The following DNAJC5 variants were observed in gnomAD, a reference collection of about 807,000 sequenced individuals.
DNAJC5 encodes dnaJ homolog subfamily C member 5.
In DNAJC5, 1 loss-of-function variant was observed where a neutral mutation model predicts 23.2. That is an observed-to-expected ratio of 0.04 (90% CI 0.02 to 0.20). DNAJC5 has a LOEUF of 0.20. Ranked by LOEUF, DNAJC5 falls within the 10% of genes least tolerant of loss-of-function variation. The probability of loss-of-function intolerance (pLI) is 1.00; values close to 1 mark genes in which losing one functional copy is unlikely to be tolerated. For synonymous variants in DNAJC5, 136 were observed against 120.0 expected, an observed-to-expected ratio of 1.13 and a Z score of -0.87; for missense variants, 180 against 267.0, an observed-to-expected ratio of 0.67 and a Z score of 2.27.
At chr20:63,923,167 A>G (rs1396914457) in intron 1 of DNAJC5, among the ~76,000 whole-genome samples, 1 of 149,202 alleles carries the variant, frequency 6.7e-6, no homozygotes, top group Non-Finnish European at 1.5e-5. Context: ...AGAATAAGTC[A>G]CATTTTGGTG....
At chr20:63,913,394 CTTTCT>C (rs1225483270) in intron 1 of DNAJC5, among the ~76,000 whole-genome samples, 18 of 150,836 alleles carry the variant, frequency 1.2e-4, no homozygotes, top group Non-Finnish European at 2.7e-4. Context: ...TGTTTTTTTT[CTTTCT>C]TTTTTTTTTT....
rs535581243 is a variant in DNAJC5 at position 63,920,586 on chromosome 20, C to T, written c.-11-7749C>T. Among the ~76,000 whole-genome samples, 67 of 152,354 alleles carry T rather than the reference C, an allele frequency of 4.4e-4. No individual in the cohort carries two copies. The highest frequency in any genetic ancestry group is 1.3e-3 in the African/African-American group (56 of 41,580). ...GGTCTTGTCTGCCTAGGCATGTGTG[C>T]GGGCCCTGGGGCTGCTGCCAGCAGA... On this transcript the variant is annotated intron_variant, in intron 1 of 4. Coordinates refer to ENST00000360864, the MANE Select transcript of DNAJC5 (RefSeq NM_025219.3). This position sits in a 1 kb window ranked among gnomAD's most constrained non-coding sequence, Gnocchi z 4.6.
intron 1 of DNAJC5, among the ~76,000 whole-genome samples, chr20:63,898,326 G>T (rs1247924612): frequency 6.6e-6 from 1 of 152,190 alleles, no homozygotes; most frequent in African/African-American, 2.4e-5. Context: ...CTGAAATCAG[G>T]CAGTAAGGTG....
Position 63,929,286 on chromosome 20 carries a change from A to T in DNAJC5, c.108-26A>T. 1 of 1,605,532 alleles carries T rather than the reference A, an allele frequency of 6.2e-7. No homozygotes were observed. The highest frequency in any genetic ancestry group is 8.5e-7 in the Non-Finnish European group (1 of 1,176,214). ...GCGGGTGGAACAAAGTCCAGGGTAGAGCCAGGACATGGTTTTGGTTTGCAG... is the reference window on the plus strand; with the variant it reads ...GCGGGTGGAACAAAGTCCAGGGTAGTGCCAGGACATGGTTTTGGTTTGCAG... On this transcript the variant is annotated intron_variant, in intron 2 of 4. Transcript: ENST00000360864. This position sits in a 1 kb window ranked among gnomAD's most constrained non-coding sequence, Gnocchi z 8.6.
At chr20:63,927,794 A>G (rs2053628882) in intron 1 of DNAJC5, among the ~76,000 whole-genome samples, 1 of 152,214 alleles carries the variant, frequency 6.6e-6, no homozygotes, top group South Asian at 2.1e-4. Flanking sequence ...GTTTGGATTT[A>G]GATCTTCCAA....
At chr20:63,907,884 G>T (rs1037463302) in intron 1 of DNAJC5, among the ~76,000 whole-genome samples, 2 of 152,168 alleles carry the variant, frequency 1.3e-5, no homozygotes, top group South Asian at 2.1e-4. Context: ...TCCTGTCTCA[G>T]CTTCCCCAGT....
intron 1 of DNAJC5, among the ~76,000 whole-genome samples, chr20:63,895,541 AGCCGGGCCGG>A (rs966819894): frequency 7.0e-6 from 1 of 143,040 alleles, no homozygotes; most frequent in Non-Finnish European, 1.5e-5. Context: ...GGCCTGCGGG[AGCCGGGCCGG>A]GCCGGGCCGG....
Position 63,931,171 on chromosome 20 carries a change from G to C in DNAJC5, c.493+149G>C. On this transcript the variant is annotated intron_variant, in intron 4 of 4. Coordinates refer to ENST00000360864, the MANE Select transcript of DNAJC5 (RefSeq NM_025219.3). The surrounding 1 kb of genome is among the most constrained non-coding windows in gnomAD (Gnocchi z 9.6). ...CAGCTGGGACTGTTGAGGTGTGAAC[G>C]TGGACCCTGAGGTAAAGCAGGCGCA... 1.1e-6 allele frequency: 1 copy of C among 922,370 alleles called. No individual in the cohort carries two copies. Among genetic ancestry groups the C allele is most frequent in the Non-Finnish European group, 1.7e-6 (1 of 586,502 alleles). 57.1% of individuals were successfully genotyped at this position (922,370 alleles called of 1,614,324 possible).
chr20:63,917,504 T>C (rs1363492802), intron 1 of DNAJC5, among the ~76,000 whole-genome samples: 1 of 152,180 alleles, frequency 6.6e-6, no homozygotes, highest in Non-Finnish European at 1.5e-5. Context: ...ATGCCCACCT[T>C]GGCCTCTCAA....
intron 1 of DNAJC5, among the ~76,000 whole-genome samples, chr20:63,913,228 G>T (rs890284781): frequency 6.6e-6 from 1 of 151,974 alleles, no homozygotes; most frequent in Admixed American, 6.6e-5. Context: ...GTTCCTCCGT[G>T]TTTCCTTTGT....
intron 1 of DNAJC5, among the ~76,000 whole-genome samples, chr20:63,906,890 G>C (rs900291429): frequency 6.6e-6 from 1 of 152,106 alleles, no homozygotes; most frequent in African/African-American, 2.4e-5. Context: ...GATCACTTGA[G>C]CTCAGGAGTT....
intron 1 of DNAJC5, among the ~76,000 whole-genome samples, chr20:63,898,911 C>T (rs1319148271): frequency 6.6e-6 from 1 of 152,180 alleles, no homozygotes; most frequent in Non-Finnish European, 1.5e-5. Flanking sequence ...TTAGAACGTT[C>T]TCGTGCCACA....
At chr20:63,900,339 A>G (rs1217866292) in intron 1 of DNAJC5, among the ~76,000 whole-genome samples, 2 of 151,946 alleles carry the variant, frequency 1.3e-5, no homozygotes, top group Non-Finnish European at 2.9e-5. Flanking sequence ...GCACTTTGAG[A>G]GGCCGAGGCA....
chr20:63,928,166 C>G lies in DNAJC5; in HGVS notation c.-11-169C>G, dbSNP rs913698403. Among the ~76,000 whole-genome samples, 1 of 152,132 alleles carries G rather than the reference C, an allele frequency of 6.6e-6. No homozygotes were observed. The highest frequency in any genetic ancestry group is 2.4e-5 in the African/African-American group (1 of 41,428). ...ATCTCTTGGGGTGGCCGTATTCTGCCGTCTCACACTTCTCCATGCCATGGC... is the reference window on the plus strand; with the variant it reads ...ATCTCTTGGGGTGGCCGTATTCTGCGGTCTCACACTTCTCCATGCCATGGC... On this transcript the variant is annotated intron_variant, in intron 1 of 4. Coordinates refer to ENST00000360864, the MANE Select transcript of DNAJC5 (RefSeq NM_025219.3). The surrounding 1 kb of genome is among the most constrained non-coding windows in gnomAD (Gnocchi z 4.6).
At position 63,933,461 on chromosome 20, in the gene DNAJC5, C is replaced by A. The variant is rs1315620182; in HGVS notation, c.*1893C>A. 1 of 152,324 alleles carries A rather than the reference C, an allele frequency of 6.6e-6. No homozygotes were observed. Among genetic ancestry groups the A allele is most frequent in the Non-Finnish European group, 1.5e-5 (1 of 68,042 alleles). 9.4% of individuals were successfully genotyped at this position (152,324 alleles called of 1,614,324 possible). ...TTTGTCCCACTTTTCTTTGTTTCTT[C>A]TCACTAAAATGATCACGAAGACCTT... On this transcript the variant is annotated 3_prime_UTR_variant, in exon 5 of 5. Coordinates refer to ENST00000360864, the MANE Select transcript of DNAJC5 (RefSeq NM_025219.3).
intron 1 of DNAJC5, among the ~76,000 whole-genome samples, chr20:63,926,600 C>T (rs1220713715): frequency 6.6e-6 from 1 of 152,230 alleles, no homozygotes; most frequent in Non-Finnish European, 1.5e-5. Context: ...CATGCTCTGC[C>T]ATTTGCTGAA....
At chr20:63,910,559 G>A (rs1488949902) in intron 1 of DNAJC5, among the ~76,000 whole-genome samples, 2 of 151,976 alleles carry the variant, frequency 1.3e-5, no homozygotes, top group Non-Finnish European at 2.9e-5. Context: ...AAAAAGTGAT[G>A]TGCGCTTGGG....
chr20:63,903,204 C>G (rs916862236), intron 1 of DNAJC5, among the ~76,000 whole-genome samples: 2 of 151,716 alleles, frequency 1.3e-5, no homozygotes, highest in Non-Finnish European at 2.9e-5. Context: ...TGGGCTCGAT[C>G]CTCCTGCCTC....
chr20:63,925,921 G>A (rs995712975), intron 1 of DNAJC5, among the ~76,000 whole-genome samples: 12 of 149,134 alleles, frequency 8.0e-5, no homozygotes, highest in East Asian at 4.1e-4. Context: ...TCCGCCTTCC[G>A]GGTTAACGTC....
Sources: allele counts gnomAD v4.1 joint callset (sites outside exome capture counted in the v4.1 genomes callset), GRCh38; gene constraint gnomAD v4.1.1; non-coding constraint Gnocchi (gnomAD v3.1); transcripts MANE v1.5; gene names NCBI Gene and HGNC (gene_info 2026-07-23, HGNC 2026-07-21).